SPHKAP: variants seen among roughly 807,000 people sequenced by gnomAD.
The protein encoded by SPHKAP is SPHK1 interactor, AKAP domain containing.
SPHKAP carries 67 observed loss-of-function variants against 137.5 expected under a neutral mutation model. That is an observed-to-expected ratio of 0.49 (90% CI 0.40 to 0.60). The LOEUF is 0.60. SPHKAP is among the 20% of genes least tolerant of loss of function. The pLI, the probability that SPHKAP is intolerant of heterozygous loss-of-function variation, is 0.00. For synonymous variants in SPHKAP, 813 were observed against 785.3 expected, an observed-to-expected ratio of 1.04 and a Z score of -0.59; for missense variants, 2,097 against 2,069.3, an observed-to-expected ratio of 1.01 and a Z score of -0.26.
At chr2:227,987,104 A>G (rs1357811646) in intron 11 of SPHKAP, among the ~76,000 whole-genome samples, 1 of 152,194 alleles carries the variant, frequency 6.6e-6, no homozygotes, top group Non-Finnish European at 1.5e-5. Flanking sequence ...GGAGGTCTCA[A>G]ACTTCAGTGT....
At chr2:228,020,727 T>G (rs1446679476) in intron 6 of SPHKAP, among the ~76,000 whole-genome samples, 1 of 151,968 alleles carries the variant, frequency 6.6e-6, no homozygotes, top group Non-Finnish European at 1.5e-5. Context: ...AAAAATAAAA[T>G]AAATAAATAA....
At chr2:228,166,680 T>A (rs1272559835) in intron 1 of SPHKAP, among the ~76,000 whole-genome samples, 3 of 152,232 alleles carry the variant, frequency 2.0e-5, no homozygotes, top group Non-Finnish European at 4.4e-5. Flanking sequence ...AATGTTATCA[T>A]TAATATTTTC....
At position 228,017,952 on chromosome 2, in the gene SPHKAP, A is replaced by G; in HGVS notation, c.2902T>C (p.Phe968Leu). ...WFCAWKRGSEFLMTPNVPCRS... is the reference protein window; with the variant it reads ...WFCAWKRGSELLMTPNVPCRS... ...CAGGGTACGTTGGGTGTCATCAGAA[A>G]CTCACTCCCTCTTTTCCATGCACAA... is the stretch of plus-strand genomic sequence containing the variant. The change falls in exon 7 of 12, where the codon TTT (phenylalanine) becomes CTT (leucine). Residue 968 changes from phenylalanine (F) to leucine (L), a missense_variant. Phe to Leu is a conservative substitution (Grantham distance 22). Coordinates refer to ENST00000392056, the MANE Select transcript of SPHKAP (RefSeq NM_001142644.2). 6.2e-7 allele frequency: 1 copy of G among 1,613,674 alleles called. No individual in the cohort carries two copies. The highest frequency in any genetic ancestry group is 8.5e-7 in the Non-Finnish European group (1 of 1,179,934).
intron 1 of SPHKAP, among the ~76,000 whole-genome samples, chr2:228,177,560 C>A (rs1288543479): frequency 1.3e-5 from 2 of 152,160 alleles, no homozygotes; most frequent in East Asian, 3.9e-4. Flanking sequence ...TAAATATACT[C>A]TTAAATATCT....
At chr2:228,076,415 C>A (rs1210578980) in intron 3 of SPHKAP, among the ~76,000 whole-genome samples, 1 of 151,318 alleles carries the variant, frequency 6.6e-6, no homozygotes, top group African/African-American at 2.4e-5. Context: ...GTTTGGAACT[C>A]CCTAGAGACT....
At chr2:228,149,103 A>G (rs6436759) in intron 1 of SPHKAP, among the ~76,000 whole-genome samples, 152,297 of 152,300 alleles carry the variant, frequency 1, 76,147 homozygotes, top group Non-Finnish European at 1. Flanking sequence ...GAATATCTAG[A>G]TAAGAAACAC....
Position 228,019,992 on chromosome 2 carries a change from C to T in SPHKAP, c.862G>A (p.Glu288Lys), listed in dbSNP as rs764312651. 1 of 1,614,164 alleles carries T rather than the reference C, an allele frequency of 6.2e-7. No individual in the cohort carries two copies. The highest frequency in any genetic ancestry group is 2.2e-5 in the East Asian group (1 of 44,872). Residue 288 changes from glutamate to lysine, a missense_variant, in exon 7 of 12, where the codon GAA becomes AAA. Glu to Lys is a moderately conservative substitution (Grantham distance 56). Transcript: ENST00000392056. Reference protein sequence around the residue: ...TPLIKTERSPENLTKNTALQS... With the variant: ...TPLIKTERSPKNLTKNTALQS... ...AAGGCTGTGTTCTTTGTTAGGTTTTCTGGAGATCGTTCTGTTTTAATCAAT... is the reference window on the plus strand; with the variant it reads ...AAGGCTGTGTTCTTTGTTAGGTTTTTTGGAGATCGTTCTGTTTTAATCAAT...
intron 3 of SPHKAP, among the ~76,000 whole-genome samples, chr2:228,055,140 TC>T (rs770774541): frequency 5.5e-4 from 3 of 5,482 alleles, no homozygotes; most frequent in African/African-American, 7.1e-4. Context: ...GAAACTCCAC[TC>T]CAAAAAAAAA....
intron 7 of SPHKAP, among the ~76,000 whole-genome samples, chr2:228,006,886 T>C (rs1434455203): frequency 6.6e-6 from 1 of 152,216 alleles, no homozygotes; most frequent in Non-Finnish European, 1.5e-5. Flanking sequence ...TGCTGTCTGA[T>C]TGTTCCTCTG....
intron 11 of SPHKAP, among the ~76,000 whole-genome samples, chr2:227,985,628 C>G (rs931477690): frequency 2.6e-5 from 4 of 152,110 alleles, no homozygotes; most frequent in African/African-American, 9.7e-5. Context: ...GTTCCCTACC[C>G]ATAGATCATA....
intron 7 of SPHKAP, among the ~76,000 whole-genome samples, chr2:228,000,775 T>C (rs1693826274): frequency 6.6e-6 from 1 of 152,216 alleles, no homozygotes. Flanking sequence ...TACCACAATT[T>C]ATCCATTTAC....
chr2:228,169,517 A>G (rs10196700), intron 1 of SPHKAP, among the ~76,000 whole-genome samples: 20,465 of 152,142 alleles, frequency 0.13, 1,385 homozygotes, highest in East Asian at 0.2. Context: ...TTTACAGCAC[A>G]GTTTGCTGTT....
chr2:228,133,468 T>C (rs1031762680), intron 1 of SPHKAP, among the ~76,000 whole-genome samples: 10 of 152,182 alleles, frequency 6.6e-5, no homozygotes, highest in Non-Finnish European at 1.3e-4. Flanking sequence ...CTAAATGTTA[T>C]ATGCATTTCT....
At chr2:227,993,320 A>G (rs1481648036) in intron 9 of SPHKAP, among the ~76,000 whole-genome samples, 1 of 152,204 alleles carries the variant, frequency 6.6e-6, no homozygotes, top group East Asian at 1.9e-4. Context: ...ATCTGAAATG[A>G]TTATTTCACA....
chr2:228,126,649 A>G (rs1699083521), intron 2 of SPHKAP, among the ~76,000 whole-genome samples: 1 of 152,172 alleles, frequency 6.6e-6, no homozygotes. Context: ...AAATACCAGG[A>G]CAATATATGA....
At chr2:228,096,762 G>A (rs1396684151) in intron 3 of SPHKAP, among the ~76,000 whole-genome samples, 1 of 152,002 alleles carries the variant, frequency 6.6e-6, no homozygotes, top group Admixed American at 6.6e-5. Context: ...ATAAAGAAGT[G>A]TAATATGTAA....
intron 1 of SPHKAP, among the ~76,000 whole-genome samples, chr2:228,135,471 C>T (rs1043465570): frequency 3.3e-5 from 5 of 152,148 alleles, no homozygotes. Context: ...GATAGACAAT[C>T]TGCTACAGTA....
chr2:228,104,761 T>C (rs1698288126), intron 3 of SPHKAP, among the ~76,000 whole-genome samples: 1 of 152,062 alleles, frequency 6.6e-6, no homozygotes, highest in Non-Finnish European at 1.5e-5. Context: ...TATAATTTGT[T>C]TGGGGGATGA....
chr2:228,092,376 G>C (rs566020220), intron 3 of SPHKAP, among the ~76,000 whole-genome samples: 1 of 133,428 alleles, frequency 7.5e-6, no homozygotes, highest in Admixed American at 7.5e-5. Flanking sequence ...TATACATACA[G>C]ATATACATAT....
Sources: gnomAD v4.1 joint callset for allele counts (sites outside exome capture counted in the v4.1 genomes callset) on GRCh38, gnomAD v4.1.1 for gene constraint, MANE v1.5 for transcripts, NCBI Gene and HGNC (gene_info 2026-07-23, HGNC 2026-07-21) for gene names.